Variants in DYSF observed in about 807,000 individuals in gnomAD.
The protein encoded by DYSF is dysferlin, also known as dystrophy-associated fer-1-like 1.
DYSF carries 212 observed loss-of-function variants against 274.9 expected under a neutral mutation model. That is an observed-to-expected ratio of 0.77 (90% CI 0.69 to 0.86). DYSF has a LOEUF of 0.86. Among genes scored for constraint, DYSF ranks in the 40% least tolerant of loss-of-function variants. DYSF has a pLI of 0.00. For synonymous variants in DYSF, 1,091 were observed against 1,078.7 expected, an observed-to-expected ratio of 1.01 and a Z score of -0.22; for missense variants, 2,666 against 2,783.2, an observed-to-expected ratio of 0.96 and a Z score of 0.95.
chr2:71,630,880 A>T (rs1290060862), intron 41 of DYSF, among the ~76,000 whole-genome samples: 1 of 152,130 alleles, frequency 6.6e-6, no homozygotes. Context: ...ACCTTTCTTC[A>T]TGGATATGCT....
At chr2:71,499,423 A>C (rs999966952) in intron 3 of DYSF, among the ~76,000 whole-genome samples, 51 of 152,322 alleles carry the variant, frequency 3.3e-4, no homozygotes, top group African/African-American at 1.0e-3. Flanking sequence ...TTTTGTTCTT[A>C]CAATGATGTA....
chr2:71,653,590 C>A (rs1270088005), intron 42 of DYSF, among the ~76,000 whole-genome samples: 2 of 142,638 alleles, frequency 1.4e-5, no homozygotes, highest in Non-Finnish European at 3.0e-5. Context: ...TGTTCTCACT[C>A]ATAGGTGGGA....
intron 55 of DYSF, among the ~76,000 whole-genome samples, chr2:71,683,572 G>A (rs893162575): frequency 6.6e-6 from 1 of 152,246 alleles, no homozygotes; most frequent in Non-Finnish European, 1.5e-5. Flanking sequence ...AGAGAATGGT[G>A]TAATCCACCC....
At chr2:71,636,154 G>C (rs2094399222) in intron 41 of DYSF, among the ~76,000 whole-genome samples, 2 of 152,160 alleles carry the variant, frequency 1.3e-5, no homozygotes, top group African/African-American at 4.8e-5. Context: ...GGAGGTGTGA[G>C]GGCTCGATCA....
upstream of DYSF, among the ~76,000 whole-genome samples, chr2:71,463,420 G>A (rs751045783): frequency 2.6e-5 from 4 of 152,172 alleles, no homozygotes; most frequent in Non-Finnish European, 5.9e-5. Context: ...GCAGCCAAAC[G>A]GCTGCAGCTG....
rs139735146 is a variant in DYSF at position 71,613,015 on chromosome 2, C to T, written c.4387+209C>T. Among the ~76,000 whole-genome samples the T allele has an allele frequency of 4.3e-3, 651 of 152,126 alleles. 2 individuals are homozygous for T. The highest frequency in any genetic ancestry group is 0.015 in the African/African-American group (606 of 41,482). On this transcript the variant is annotated intron_variant, in intron 39 of 55. Coordinates refer to ENST00000410020, the MANE Select transcript of DYSF (RefSeq NM_001130987.2). ...GGCACCAGGAGCAGGTGACTGATAC[C>T]CGTTGGAGCTGAGGGGTGAGGGCTC...
chr2:71,570,562 C>G (rs746115600), intron 28 of DYSF, 37 bp from the exon 29 acceptor site: 1 of 1,610,326 alleles, frequency 6.2e-7, no homozygotes, highest in African/African-American at 1.3e-5. Context: ...ATGGGGGGAA[C>G]TGCCAAGCAA....
intron 41 of DYSF, among the ~76,000 whole-genome samples, chr2:71,631,729 G>A (rs372381578): frequency 1.3e-5 from 2 of 152,200 alleles, no homozygotes; most frequent in East Asian, 1.9e-4. Flanking sequence ...CTCCTGTTAC[G>A]GGGGCTGGAG....
At chr2:71,633,712 G>T (rs2094351001) in intron 41 of DYSF, among the ~76,000 whole-genome samples, 1 of 151,912 alleles carries the variant, frequency 6.6e-6, no homozygotes, top group Non-Finnish European at 1.5e-5. Context: ...TTTTTTTTAA[G>T]AGTTGGGCAT....
At chr2:71,500,249 A>C (rs114853081) in intron 3 of DYSF, among the ~76,000 whole-genome samples, 1 of 150,678 alleles carries the variant, frequency 6.6e-6, no homozygotes, top group Non-Finnish European at 1.5e-5. Context: ...TGCGCCCCCC[A>C]CCTCTCCTCC....
At chr2:71,573,606 C>G (rs937134153) in intron 29 of DYSF, among the ~76,000 whole-genome samples, 5 of 152,196 alleles carry the variant, frequency 3.3e-5, no homozygotes, top group Non-Finnish European at 2.9e-5. Context: ...TTCCTTTTAC[C>G]TCTGAGCTGC....
At chr2:71,568,404 C>A in intron 26 of DYSF, 66 bp downstream of exon 26, 1 of 1,587,568 alleles carries the variant, frequency 6.3e-7, no homozygotes, top group Middle Eastern at 2.0e-4. Flanking sequence ...CTGCACCCTC[C>A]TTTTGGAGGC....
At chr2:71,636,549 A>T (rs2094406149) in intron 41 of DYSF, among the ~76,000 whole-genome samples, 1 of 152,116 alleles carries the variant, frequency 6.6e-6, no homozygotes, top group African/African-American at 2.4e-5. Flanking sequence ...ATGAGGAAGG[A>T]TGTGGGAGGA....
Position 71,589,768 on chromosome 2 carries a change from A to G in DYSF, c.3496+82A>G, listed in dbSNP as rs2093197422. On this transcript the variant is annotated intron_variant, in intron 31 of 55. Coordinates refer to ENST00000410020, the MANE Select transcript of DYSF (RefSeq NM_001130987.2). The stretch of plus-strand genomic sequence containing the variant: ...TGTTTGGATGGAGTTATACGATCAG[A>G]TGTGTATGTGGGGCTCTGGGGAGCT... 3.0e-6 allele frequency: 4 copies of G among 1,335,464 alleles called. No individual in the cohort carries two copies. The Admixed American group carries it at 6.7e-5, about 22-fold the overall frequency. The allele number at this position is 1,335,464 out of a possible 1,614,324, so 82.7% of individuals were successfully genotyped here.
intron 41 of DYSF, among the ~76,000 whole-genome samples, chr2:71,637,164 A>G (rs2152917995): frequency 6.6e-6 from 1 of 152,318 alleles, no homozygotes; most frequent in South Asian, 2.1e-4. Context: ...GTATTCTGTG[A>G]ATAGTGGGGC....
chr2:71,644,121 A>T, intron 42 of DYSF, 58 bp downstream of exon 42: 4 of 1,390,666 alleles, frequency 2.9e-6, no homozygotes, highest in Non-Finnish European at 4.0e-6. Context: ...GCAGTGGGAG[A>T]CACAACAGAA....
At chr2:71,462,435 C>T (rs919589200), upstream of DYSF, among the ~76,000 whole-genome samples, 1 of 152,116 alleles carries the variant, frequency 6.6e-6, no homozygotes, top group African/African-American at 2.4e-5. Context: ...TAGGTCTGGG[C>T]TCCCCAAAGT....
At chr2:71,486,257 C>T (rs1421651210) in intron 3 of DYSF, among the ~76,000 whole-genome samples, 1 of 152,104 alleles carries the variant, frequency 6.6e-6, no homozygotes, top group East Asian at 1.9e-4. Context: ...TGTTAACCCT[C>T]TCAGTCCCCC....
chr2:71,680,995 C>T lies in DYSF; in HGVS notation c.6064-6C>T. 1.2e-6 allele frequency: 2 copies of T among 1,613,926 alleles called. No homozygotes were observed. The highest frequency in any genetic ancestry group is 1.7e-6 in the Non-Finnish European group (2 of 1,179,964). On this transcript the variant is annotated splice_polypyrimidine_tract_variant and splice_region_variant and intron_variant, in intron 53 of 55. Transcript: ENST00000410020. ...GCCCCTAACCAAGTGCTCTCTGTCC[C>T]CTCAGGGCAAGCTGGAAATGACCTT...
Sources: allele counts gnomAD v4.1 joint callset (sites outside exome capture counted in the v4.1 genomes callset), GRCh38; gene constraint gnomAD v4.1.1; transcripts MANE v1.5; gene names NCBI Gene and HGNC (gene_info 2026-07-23, HGNC 2026-07-21).